The following WIZ variants were observed in gnomAD, a reference collection of about 807,000 sequenced individuals.
The protein encoded by WIZ is WIZ zinc finger, also known as protein Wiz.
Under a neutral mutation model 140.2 loss-of-function variants are expected in WIZ, and 25 were observed. That is an observed-to-expected ratio of 0.18 (90% CI 0.13 to 0.25). The LOEUF (loss-of-function observed/expected upper bound fraction) is 0.25. WIZ is among the 10% of genes least tolerant of loss of function. WIZ has a pLI of 1.00. For synonymous variants in WIZ, 1,125 were observed against 1,154.3 expected, an observed-to-expected ratio of 0.97 and a Z score of 0.51; for missense variants, 2,231 against 2,632.6, an observed-to-expected ratio of 0.85 and a Z score of 3.34.
chr19:15,440,530 T>A lies in WIZ; in HGVS notation c.464A>T (p.His155Leu), dbSNP rs1360442946. Residue 155 changes from histidine (H) to leucine (L), a missense_variant, in exon 4 of 13, where the codon CAC (histidine) becomes CTC (leucine). Transcript: ENST00000673675. This position sits in a 1 kb window ranked among gnomAD's most constrained non-coding sequence, Gnocchi z 6.2. The part of the protein sequence containing the change: ...DSVIVRTMKP[H>L]AELEGSRRFL... Reference sequence around the variant, plus strand: ...CCTTCTAGAGCCCTCTAGCTCAGCGTGGGGTTTCATGGTTCTCACAATGAC... The same window carrying A: ...CCTTCTAGAGCCCTCTAGCTCAGCGAGGGGTTTCATGGTTCTCACAATGAC... 1 of 1,536,092 alleles carries A rather than the reference T, an allele frequency of 6.5e-7. No homozygotes were observed. The highest frequency in any genetic ancestry group is 8.7e-7 in the Non-Finnish European group (1 of 1,146,872).
chr19:15,448,683 C>T (rs952327770), intron 1 of WIZ, among the ~76,000 whole-genome samples: 3 of 152,088 alleles, frequency 2.0e-5, no homozygotes, highest in African/African-American at 4.8e-5. Flanking sequence ...TTTCTCCAGA[C>T]GCCTCCCTTC....
Position 15,440,178 on chromosome 19 carries a change from A to G in WIZ, c.816T>C (p.Ala272=). ...ATQTWTVNSE[A]SVERLQPLLP... ...GTAGCGGCTGCAGCCGCTCCACAGA[A>G]GCCTCCGAGTTCACTGTCCAGGTCT... Residue 272 remains alanine (A), a synonymous_variant, in exon 4 of 13, where the codon GCT becomes GCC. Transcript: ENST00000673675. The surrounding 1 kb of genome is among the most constrained non-coding windows in gnomAD (Gnocchi z 6.2). 6.5e-7 allele frequency: 1 copy of G among 1,532,152 alleles called. No homozygotes were observed. 94.9% of individuals were successfully genotyped at this position (1,532,152 alleles called of 1,614,324 possible).
At chr19:15,432,071 A>C (rs1568301982) in intron 5 of WIZ, among the ~76,000 whole-genome samples, 1 of 152,030 alleles carries the variant, frequency 6.6e-6, no homozygotes, top group African/African-American at 2.4e-5. Context: ...GGCGCTGAGG[A>C]CTGGGGCACC....
Position 15,442,892 on chromosome 19 carries a change from T to A in WIZ, c.206-144A>T. ...CTCCCTGAGAGGCCCGTGGCCTCTG[T>A]GGTCCTGAGCCCTGAAAGGGGTTTC... On this transcript the variant is annotated intron_variant, in intron 2 of 12. Transcript: ENST00000673675. This position sits in a 1 kb window ranked among gnomAD's most constrained non-coding sequence, Gnocchi z 5.5. 2.3e-6 allele frequency: 1 copy of A among 434,712 alleles called. No individual in the cohort carries two copies. The highest frequency in any genetic ancestry group is 3.8e-6 in the Non-Finnish European group (1 of 260,076). 26.9% of individuals were successfully genotyped at this position (434,712 alleles called of 1,614,324 possible). A position where few individuals can be genotyped will look rare whatever the true frequency, so the allele number is the denominator to read the frequency against.
At chr19:15,432,837 TGCCGAGC>T (rs759612841) in intron 5 of WIZ, among the ~76,000 whole-genome samples, 20 of 150,674 alleles carry the variant, frequency 1.3e-4, no homozygotes, top group South Asian at 1.0e-3. Context: ...GCCTGCCGAG[TGCCGAGC>T]GCCGAGCGCC....
chr19:15,449,312 A>AG (rs1970028798), intron 1 of WIZ, among the ~76,000 whole-genome samples: 1 of 150,848 alleles, frequency 6.6e-6, no homozygotes, highest in South Asian at 2.1e-4. Context: ...GGGGATTCCC[A>AG]GGGGGCTCCT....
rs746804193 is a variant in WIZ, at chr19:15,427,330, G to C, written c.4018C>G (p.Pro1340Ala). 6.2e-7 allele frequency: 1 copy of C among 1,613,662 alleles called. No individual in the cohort carries two copies. The highest frequency in any genetic ancestry group is 1.3e-5 in the African/African-American group (1 of 75,042). The change falls in exon 9 of 13, where the codon CCA becomes GCA. Residue 1340 changes from proline (P) to alanine (A), a missense_variant. Pro to Ala is a conservative substitution (Grantham distance 27, BLOSUM62 -1). Coordinates refer to ENST00000673675, the MANE Select transcript of WIZ (RefSeq NM_001371589.1). This position sits in a 1 kb window ranked among gnomAD's most constrained non-coding sequence, Gnocchi z 6.4. ...TQSRPGGPPNPPGPSPKALAK... is the reference protein window; with the variant it reads ...TQSRPGGPPNAPGPSPKALAK... ...AGGGCTTTTGGGCTTGGCCCTGGTG[G>C]GTTGGGAGGTCCACCAGGCCGAGAC...
chr19:15,425,684 G>C lies in WIZ; in HGVS notation c.4451C>G (p.Ala1484Gly). ...ACCCATCTGCCGCAGGTGTGAGCGC[G>C]CGTGACTCGACAGGCCCTTGCGGTT... ...FENRKGLSSHARSHLRQMGVT... is the reference protein window; with the variant it reads ...FENRKGLSSHGRSHLRQMGVT... The change falls in exon 10 of 13, where the codon GCG becomes GGG. Residue 1484 changes from alanine to glycine, a missense_variant. Ala to Gly is a moderately conservative substitution (Grantham distance 60, BLOSUM62 0). Coordinates refer to ENST00000673675, the MANE Select transcript of WIZ (RefSeq NM_001371589.1). 6.2e-7 allele frequency: 1 copy of C among 1,613,228 alleles called. No individual in the cohort carries two copies. The highest frequency in any genetic ancestry group is 8.5e-7 in the Non-Finnish European group (1 of 1,179,910).
At position 15,437,110 on chromosome 19, in the gene WIZ, G is replaced by T. The variant is rs1180469492; in HGVS notation, c.2436C>A (p.Gly812=). The change falls in exon 5 of 13, where the codon GGC becomes GGA. Residue 812 remains glycine (G), a synonymous_variant. Coordinates refer to ENST00000673675, the MANE Select transcript of WIZ (RefSeq NM_001371589.1). ...AGTCACAGCGCATCAGGCTGAAGGTGCCTGGGTCAAAGTTGGCCACTGTGG... is the reference window on the plus strand; with the variant it reads ...AGTCACAGCGCATCAGGCTGAAGGTTCCTGGGTCAAAGTTGGCCACTGTGG... ...KKKKVANFDP[G]TFSLMRCDFC... is the part of the protein sequence containing the mutation. 1.2e-6 allele frequency: 2 copies of T among 1,604,966 alleles called. No homozygotes were observed. Among genetic ancestry groups the T allele is most frequent in the South Asian group, 2.2e-5 (2 of 89,904 alleles).
At chr19:15,431,501 G>T (rs764411730) in intron 5 of WIZ, among the ~76,000 whole-genome samples, 1 of 152,220 alleles carries the variant, frequency 6.6e-6, no homozygotes, top group African/African-American at 2.4e-5. Flanking sequence ...AACTTGTGAG[G>T]GGGAACGTCT....
Position 15,427,372 on chromosome 19 carries a change from G to A in WIZ, c.3976C>T (p.Leu1326=), listed in dbSNP as rs1434429389. 1 of 1,613,648 alleles carries A rather than the reference G, an allele frequency of 6.2e-7. No homozygotes were observed. The highest frequency in any genetic ancestry group is 8.5e-7 in the Non-Finnish European group (1 of 1,180,020). The change falls in exon 9 of 13, where the codon CTG becomes TTG. Residue 1326 remains leucine (L), a synonymous_variant. Coordinates refer to ENST00000673675, the MANE Select transcript of WIZ (RefSeq NM_001371589.1). This position sits in a 1 kb window ranked among gnomAD's most constrained non-coding sequence, Gnocchi z 6.4. ...GGCCGAGACTGGGTCCGTCTCTTCA[G>A]GATCTCCCGCAGCGTGTCGATGGGC... The part of the protein sequence containing the change: ...GSPIDTLREI[L]KRRTQSRPGG...
intron 1 of WIZ, 99 bp from the exon 2 acceptor site, chr19:15,448,466 C>T (rs1459092322): frequency 1.6e-5 from 15 of 910,782 alleles, no homozygotes; most frequent in Non-Finnish European, 1.7e-6. Flanking sequence ...TTGCAGCTCA[C>T]TGCCTCAGTT....
chr19:15,423,273 G>T, intron 12 of WIZ, 38 bp from the exon 13 acceptor site: 1 of 1,605,850 alleles, frequency 6.2e-7, no homozygotes, highest in Non-Finnish European at 8.5e-7. Context: ...GGCCAGTGCT[G>T]TGAGGAGAGG....
intron 9 of WIZ, 27 bp from the exon 10 acceptor site, chr19:15,425,795 G>T: frequency 8.9e-7 from 1 of 1,125,608 alleles, no homozygotes; most frequent in Non-Finnish European, 1.1e-6. Context: ...GTAGGGGGAA[G>T]GAGGAGGAGG....
At chr19:15,446,563 A>G (rs1599717073) in intron 2 of WIZ, among the ~76,000 whole-genome samples, 1 of 152,092 alleles carries the variant, frequency 6.6e-6, no homozygotes, top group African/African-American at 2.4e-5. Context: ...ACTGCCTGAC[A>G]CCTGCAGATG....
intron 1 of WIZ, 140 bp downstream of exon 1, chr19:15,449,658 C>T (rs1433016253): frequency 6.8e-6 from 1 of 148,136 alleles, no homozygotes; most frequent in Non-Finnish European, 1.5e-5. Context: ...GCCCCGCCCC[C>T]GGCCAGGCCC....
rs1396821505 is a variant in WIZ, at chr19:15,438,820, G to A, written c.2174C>T (p.Pro725Leu). Residue 725 changes from proline (P) to leucine (L), a missense_variant, in exon 4 of 13, where the codon CCG (proline) becomes CTG (leucine). Pro to Leu is a moderately conservative substitution (Grantham distance 98). Around this residue, in one of 15 missense-constraint regions of WIZ, gnomAD observed 118 missense variants for 209.1 expected, o/e 0.56. Transcript: ENST00000673675. ...GTCCAGCCCCAGCGGGCCGCCCAGC[G>A]GCGCGTCCAGGAGCAGGAAGTCCAG... ...HPLDFLLLDA[P>L]LGGPLGLDTL... The A allele has an allele frequency of 4.0e-6, 6 of 1,506,152 alleles. No individual in the cohort carries two copies. The highest frequency in any genetic ancestry group is 2.5e-5 in the East Asian group (1 of 40,288). The allele number at this position is 1,506,152 out of a possible 1,614,324, so 93.3% of individuals were successfully genotyped here.
At position 15,440,250 on chromosome 19, in the gene WIZ, C is replaced by T; in HGVS notation, c.744G>A (p.Gln248=). The T allele has an allele frequency of 6.7e-7, 1 of 1,491,936 alleles. No individual in the cohort carries two copies. Among genetic ancestry groups the T allele is most frequent in the Non-Finnish European group, 8.9e-7 (1 of 1,124,916 alleles). 92.4% of individuals were successfully genotyped at this position (1,491,936 alleles called of 1,614,324 possible). Reference sequence around the variant, plus strand: ...ACGTGGGTAGGCCCCACTCGGACGGCTGGGCCAGCCCCTCCAGGTCCTCCA... The same window carrying T: ...ACGTGGGTAGGCCCCACTCGGACGGTTGGGCCAGCCCCTCCAGGTCCTCCA... ...EDLEDLEGLA[Q]PSEWGLPTSA... The change falls in exon 4 of 13, where the codon CAG becomes CAA. Residue 248 remains glutamine (Q), a synonymous_variant. Coordinates refer to ENST00000673675, the MANE Select transcript of WIZ (RefSeq NM_001371589.1). This position sits in a 1 kb window ranked among gnomAD's most constrained non-coding sequence, Gnocchi z 6.2.
chr19:15,438,607 C>G lies in WIZ; in HGVS notation c.2387G>C (p.Arg796Thr). ...SAEEVKAIER[R>T]FSFQKKKKKV... ...TTTCTTCTTCTTCTGGAAGGAGAAC[C>G]TGCGCTCAATGGCCTTCACCTCCTC... Residue 796 changes from arginine (R) to threonine (T), a missense_variant, in exon 4 of 13, where the codon AGG becomes ACG. Physicochemically the swap from Arg to Thr is moderately conservative, Grantham distance 71 (BLOSUM62 -1). This residue lies in a region of WIZ where 118 missense variants were observed against 209.1 expected (regional missense o/e 0.56). Transcript: ENST00000673675. 1 of 1,516,686 alleles carries G rather than the reference C, an allele frequency of 6.6e-7. No homozygotes were observed. Among genetic ancestry groups the G allele is most frequent in the South Asian group, 1.2e-5 (1 of 83,520 alleles). The allele number at this position is 1,516,686 out of a possible 1,614,324, so 94.0% of individuals were successfully genotyped here. A position where few individuals can be genotyped will look rare whatever the true frequency, so the allele number is the denominator to read the frequency against.
Sources: allele counts gnomAD v4.1 joint callset (sites outside exome capture counted in the v4.1 genomes callset), GRCh38; gene constraint gnomAD v4.1.1; regional missense constraint gnomAD v4.1.1; non-coding constraint Gnocchi (gnomAD v3.1); transcripts MANE v1.5; gene names NCBI Gene and HGNC (gene_info 2026-07-23, HGNC 2026-07-21).